CEP128: variants seen among roughly 807,000 people sequenced by gnomAD.
The protein encoded by CEP128 is centrosomal protein 128, also known as centrosomal protein 128kDa.
In CEP128, 132 loss-of-function variants were observed where a neutral mutation model predicts 156.7. The observed-to-expected ratio is 0.84, with a 90% CI of 0.73 to 0.97. The LOEUF is 0.97. CEP128 is among the 50% of genes least tolerant of loss of function. CEP128 has a pLI of 0.00. For synonymous variants in CEP128, 469 were observed against 448.9 expected, an observed-to-expected ratio of 1.04 and a Z score of -0.57; for missense variants, 1,252 against 1,281.9, an observed-to-expected ratio of 0.98 and a Z score of 0.36.
At chr14:80,642,597 T>G (rs1894464377) in intron 19 of CEP128, among the ~76,000 whole-genome samples, 1 of 152,014 alleles carries the variant, frequency 6.6e-6, no homozygotes, top group Admixed American at 6.6e-5. Context: ...GCAAGAGGAC[T>G]GCTTGAGCCC....
At chr14:80,900,924 T>C (rs368473222) in intron 6 of CEP128, among the ~76,000 whole-genome samples, 2 of 151,144 alleles carry the variant, frequency 1.3e-5, no homozygotes, top group South Asian at 4.2e-4. Flanking sequence ...AGGCTTGGGG[T>C]GGCCGGGCGC....
intron 13 of CEP128, among the ~76,000 whole-genome samples, chr14:80,801,315 G>A (rs369879857): frequency 2.5e-4 from 38 of 152,156 alleles, no homozygotes; most frequent in Admixed American, 7.2e-4. Flanking sequence ...GTCTTGTACC[G>A]GTTTTCAAAG....
chr14:80,758,379 G>A (rs1050050220), intron 17 of CEP128, among the ~76,000 whole-genome samples: 15 of 151,990 alleles, frequency 9.9e-5, no homozygotes, highest in African/African-American at 1.2e-4. Context: ...AAAATTAGCC[G>A]GGCGTGGTGG....
intron 13 of CEP128, among the ~76,000 whole-genome samples, chr14:80,826,060 C>T (rs913898516): frequency 2.0e-5 from 3 of 148,220 alleles, no homozygotes; most frequent in Non-Finnish European, 4.4e-5. Flanking sequence ...GAGCCGAGAT[C>T]GCACCACTGC....
intron 2 of CEP128, among the ~76,000 whole-genome samples, chr14:80,956,581 T>C (rs1886705659): frequency 6.6e-6 from 1 of 152,154 alleles, no homozygotes; most frequent in Non-Finnish European, 1.5e-5. Flanking sequence ...TCATTGAAAT[T>C]GTAGACAAAA....
chr14:80,738,086 T>C (rs1051034948), intron 19 of CEP128, among the ~76,000 whole-genome samples: 3 of 152,218 alleles, frequency 2.0e-5, no homozygotes, highest in Non-Finnish European at 1.5e-5. Flanking sequence ...TGATTCTAAA[T>C]TATTTCTTCA....
intron 19 of CEP128, among the ~76,000 whole-genome samples, chr14:80,610,052 C>A (rs1307696621): frequency 6.6e-6 from 1 of 151,978 alleles, no homozygotes; most frequent in Admixed American, 6.6e-5. Flanking sequence ...CAGTCATCTC[C>A]CTTTAATAAA....
At chr14:80,650,529 A>G (rs915505343) in intron 19 of CEP128, among the ~76,000 whole-genome samples, 9 of 152,186 alleles carry the variant, frequency 5.9e-5, no homozygotes, top group African/African-American at 1.7e-4. Flanking sequence ...GTTTTTGCCC[A>G]TTCAGTACGA....
chr14:80,694,658 T>A (rs1165712351), intron 19 of CEP128, among the ~76,000 whole-genome samples: 4 of 149,326 alleles, frequency 2.7e-5, no homozygotes, highest in Non-Finnish European at 5.9e-5. Context: ...AACAGAAAAC[T>A]AAACACTGCA....
chr14:80,920,142 A>G (rs1875934976), intron 2 of CEP128, among the ~76,000 whole-genome samples: 1 of 152,222 alleles, frequency 6.6e-6, no homozygotes. Flanking sequence ...CTTACTGACA[A>G]CACAAGGTCT....
intron 21 of CEP128, among the ~76,000 whole-genome samples, chr14:80,544,227 T>A (rs1357547493): frequency 1.3e-5 from 2 of 152,182 alleles, no homozygotes; most frequent in Admixed American, 1.3e-4. Flanking sequence ...TTAGCCATCT[T>A]TTTTTCCCAT....
intron 19 of CEP128, among the ~76,000 whole-genome samples, chr14:80,690,348 G>A (rs1164245156): frequency 1.3e-5 from 2 of 151,488 alleles, no homozygotes; most frequent in Non-Finnish European, 2.9e-5. Context: ...TCAGGAAGAC[G>A]GAGGTTGCAG....
intron 19 of CEP128, among the ~76,000 whole-genome samples, chr14:80,630,514 A>C (rs1321596719): frequency 6.6e-6 from 1 of 152,034 alleles, no homozygotes; most frequent in Non-Finnish European, 1.5e-5. Context: ...GCAGAAAAAG[A>C]AGCTCTAAAA....
chr14:80,745,478 T>C lies in CEP128; in HGVS notation c.2614-2211A>G, dbSNP rs928434101. On this transcript the variant is annotated intron_variant, in intron 18 of 24. Coordinates refer to ENST00000555265, the MANE Select transcript of CEP128 (RefSeq NM_152446.5). ...GGAAAATCATTAATGTAATATACCA[T>C]ATTAATACAATTAGGGACAAACATC... Among the ~76,000 whole-genome samples the C allele has an allele frequency of 3.3e-5, 5 of 152,284 alleles. No individual in the cohort carries two copies. The South Asian group carries it at 8.3e-4, about 25-fold the overall frequency.
chr14:80,885,448 C>A (rs531868010), intron 8 of CEP128, among the ~76,000 whole-genome samples: 3 of 152,298 alleles, frequency 2.0e-5, no homozygotes, highest in Admixed American at 2.0e-4. Flanking sequence ...ACAATATTTG[C>A]TGTTCTGCAG....
intron 19 of CEP128, among the ~76,000 whole-genome samples, chr14:80,675,841 C>A (rs576881898): frequency 1.3e-5 from 2 of 152,190 alleles, no homozygotes; most frequent in East Asian, 1.9e-4. Context: ...CTATTCCCCC[C>A]TCAATGTTCA....
At chr14:80,492,105 A>G (rs1278297130), downstream of CEP128, among the ~76,000 whole-genome samples, 2 of 152,234 alleles carry the variant, frequency 1.3e-5, no homozygotes, top group East Asian at 3.8e-4. Context: ...GGGGGAAAAA[A>G]GCTTGTAAAG....
intron 13 of CEP128, among the ~76,000 whole-genome samples, chr14:80,820,312 C>T (rs1236850046): frequency 6.6e-6 from 1 of 152,158 alleles, no homozygotes; most frequent in African/African-American, 2.4e-5. Context: ...GAATGCTAGA[C>T]ACTGTATATG....
Position 80,940,409 on chromosome 14 carries a change from A to T in CEP128, c.-171-869T>A, listed in dbSNP as rs147135620. ...AACCTTATCTCTAGTGCTGTCCAGT[A>T]CAGCAGTCACTAGACACATGGCTAC... is the stretch of plus-strand genomic sequence containing the variant. On this transcript the variant is annotated intron_variant, in intron 1 of 24. Transcript: ENST00000555265. 8.7e-3 allele frequency among the ~76,000 whole-genome samples: 1,321 copies of T among 152,380 alleles called. 11 individuals are homozygous for T. Among genetic ancestry groups the T allele is most frequent in the Non-Finnish European group, 0.016 (1,076 of 68,040 alleles).
Sources: allele counts gnomAD v4.1 joint callset (sites outside exome capture counted in the v4.1 genomes callset), GRCh38; gene constraint gnomAD v4.1.1; transcripts MANE v1.5; gene names NCBI Gene and HGNC (gene_info 2026-07-23, HGNC 2026-07-21).